CAPZB: variants seen among roughly 807,000 people sequenced by gnomAD.
CAPZB encodes the protein capping actin protein of muscle Z-line subunit beta, also known as F-actin-capping protein subunit beta.
In CAPZB, 2 loss-of-function variants were observed where a neutral mutation model predicts 38.1. The ratio of observed to expected loss-of-function variants is 0.05; its 90% confidence interval spans 0.02 to 0.17. CAPZB has a LOEUF of 0.17. Among genes scored for constraint, CAPZB ranks in the 10% least tolerant of loss-of-function variants. The pLI is 1.00. For synonymous variants in CAPZB, 107 were observed against 127.4 expected (o/e 0.84, Z 1.08); for missense variants, 161 against 334.2 (o/e 0.48, Z 4.04).
intron 1 of CAPZB, among the ~76,000 whole-genome samples, chr1:19,427,555 G>T (rs1275887094): frequency 6.6e-6 from 1 of 152,224 alleles, no homozygotes; most frequent in Non-Finnish European, 1.5e-5. Flanking sequence ...TTTGTGCTGG[G>T]GGCGATTTGG....
intron 4 of CAPZB, among the ~76,000 whole-genome samples, chr1:19,364,461 A>C (rs1048011221): frequency 6.6e-6 from 1 of 152,212 alleles, no homozygotes; most frequent in African/African-American, 2.4e-5. Flanking sequence ...TTGAGTGAAG[A>C]CTTCTCACTA....
chr1:19,425,467 G>T (rs1272407165), intron 1 of CAPZB, among the ~76,000 whole-genome samples: 1 of 152,114 alleles, frequency 6.6e-6, no homozygotes, highest in Non-Finnish European at 1.5e-5. Flanking sequence ...TCAAGGAAGA[G>T]TCCTTGTTAG....
intron 3 of CAPZB, among the ~76,000 whole-genome samples, chr1:19,379,208 C>T (rs1192145078): frequency 6.6e-6 from 1 of 151,158 alleles, no homozygotes; most frequent in Non-Finnish European, 1.5e-5. Context: ...AGGCGATTCT[C>T]GTGCCTCAGC....
At chr1:19,475,371 T>C (rs1040998730) in intron 1 of CAPZB, among the ~76,000 whole-genome samples, 28 of 152,144 alleles carry the variant, frequency 1.8e-4, no homozygotes, top group African/African-American at 6.0e-4. Context: ...TGGGATCACA[T>C]AGAAACTCCA....
intron 2 of CAPZB, among the ~76,000 whole-genome samples, chr1:19,397,610 G>A (rs761845949): frequency 2.2e-4 from 34 of 152,184 alleles, no homozygotes; most frequent in Non-Finnish European, 4.8e-4. Context: ...CAACGCGAAC[G>A]GAACCTCTCA....
chr1:19,348,152 T>A (rs764719753), intron 6 of CAPZB, among the ~76,000 whole-genome samples: 37 of 152,180 alleles, frequency 2.4e-4, no homozygotes, highest in Admixed American at 1.0e-3. Context: ...CATCGCGTGA[T>A]GAAGACACTG....
At chr1:19,394,470 C>CA (rs2094255100) in intron 2 of CAPZB, among the ~76,000 whole-genome samples, 1 of 152,224 alleles carries the variant, frequency 6.6e-6, no homozygotes, top group Non-Finnish European at 1.5e-5. Context: ...CCTGTAATCC[C>CA]AGCACTCTGG....
chr1:19,464,769 C>T (rs974643638), intron 1 of CAPZB, among the ~76,000 whole-genome samples: 10 of 152,160 alleles, frequency 6.6e-5, no homozygotes, highest in Non-Finnish European at 1.0e-4. Context: ...TCATGTTACA[C>T]GAAAGAGGTC....
chr1:19,357,292 G>T lies in CAPZB; in HGVS notation c.471+130C>A. 1 of 789,792 alleles carries T rather than the reference G, an allele frequency of 1.3e-6. No homozygotes were observed. The highest frequency in any genetic ancestry group is 2.1e-6 in the Non-Finnish European group (1 of 478,702). 48.9% of individuals were successfully genotyped at this position (789,792 alleles called of 1,614,324 possible). On this transcript the variant is annotated intron_variant, in intron 5 of 8. Transcript: ENST00000264202. This position sits in a 1 kb window ranked among gnomAD's most constrained non-coding sequence, Gnocchi z 4.3. ...TTATCTTTATCCAAATGGCTTTGAGGCATTTCTCAGAATTAGGGGTTCAGA... is the reference window on the plus strand; with the variant it reads ...TTATCTTTATCCAAATGGCTTTGAGTCATTTCTCAGAATTAGGGGTTCAGA...
chr1:19,423,267 G>A (rs1398277283), intron 1 of CAPZB, among the ~76,000 whole-genome samples: 1 of 152,168 alleles, frequency 6.6e-6, no homozygotes, highest in East Asian at 1.9e-4. Flanking sequence ...CTTAATGACA[G>A]CTTTTAAGAC....
chr1:19,382,069 G>A lies in CAPZB; in HGVS notation c.216-3416C>T, dbSNP rs370192287. ...TTCCCACAGTTCGATGACAGCCATC[G>A]CCTTCCTGTAGGCTGGGAAGACCCG... On this transcript the variant is annotated intron_variant, in intron 3 of 8. Transcript: ENST00000264202. 2.7e-5 allele frequency among the ~76,000 whole-genome samples: 4 copies of A among 148,880 alleles called. No individual in the cohort carries two copies. The South Asian group carries it at 6.3e-4, about 23-fold the overall frequency.
chr1:19,431,193 A>G (rs955058176), intron 1 of CAPZB, among the ~76,000 whole-genome samples: 1 of 152,196 alleles, frequency 6.6e-6, no homozygotes, highest in African/African-American at 2.4e-5. Context: ...AACAGCCCTA[A>G]CCCAAAAATC....
intron 8 of CAPZB, chr1:19,342,933 G>GC (rs1327292440): frequency 6.3e-6 from 6 of 952,964 alleles, no homozygotes; most frequent in Non-Finnish European, 1.0e-5. Context: ...AACGCAGGGG[G>GC]CCACAGCTGA....
At chr1:19,415,247 T>C (rs1400820248) in intron 2 of CAPZB, among the ~76,000 whole-genome samples, 2 of 152,234 alleles carry the variant, frequency 1.3e-5, no homozygotes, top group East Asian at 3.8e-4. Context: ...CTTCATTATC[T>C]TGGGCAGGTG....
At chr1:19,450,505 G>A (rs1419837105) in intron 1 of CAPZB, among the ~76,000 whole-genome samples, 3 of 152,164 alleles carry the variant, frequency 2.0e-5, no homozygotes, top group Non-Finnish European at 4.4e-5. Context: ...CATGTAAAAT[G>A]TGTCAACTCA....
At chr1:19,441,706 C>A (rs565286692) in intron 1 of CAPZB, among the ~76,000 whole-genome samples, 3 of 151,466 alleles carry the variant, frequency 2.0e-5, no homozygotes, top group East Asian at 3.9e-4. Flanking sequence ...CAGCACCAAG[C>A]GGCTCAAAAG....
At chr1:19,392,528 TAAAA>T (rs58626568) in intron 2 of CAPZB, among the ~76,000 whole-genome samples, 20 of 129,420 alleles carry the variant, frequency 1.5e-4, no homozygotes, top group African/African-American at 2.3e-4. Context: ...TCTTAAGAAT[TAAAA>T]AAAAAAAAAA....
intron 1 of CAPZB, among the ~76,000 whole-genome samples, chr1:19,465,116 T>C (rs1014669867): frequency 6.6e-6 from 1 of 152,170 alleles, no homozygotes; most frequent in African/African-American, 2.4e-5. Context: ...TGGAAGACAC[T>C]GGGCATGTGA....
At chr1:19,425,658 C>A (rs2094419723) in intron 1 of CAPZB, among the ~76,000 whole-genome samples, 1 of 152,186 alleles carries the variant, frequency 6.6e-6, no homozygotes, top group African/African-American at 2.4e-5. Flanking sequence ...AATCACCCTG[C>A]AATAAATAAA....
Sources: gnomAD v4.1 joint callset for allele counts (sites outside exome capture counted in the v4.1 genomes callset) on GRCh38, gnomAD v4.1.1 for gene constraint, Gnocchi (gnomAD v3.1) non-coding constraint, MANE v1.5 for transcripts, NCBI Gene and HGNC (gene_info 2026-07-23, HGNC 2026-07-21) for gene names.